The following ANO1 variants were observed in gnomAD, a reference collection of about 807,000 sequenced individuals.
ANO1 encodes anoctamin-1.
ANO1 carries 59 observed loss-of-function variants against 124.0 expected under a neutral mutation model. The ratio of observed to expected loss-of-function variants is 0.48; its 90% CI spans 0.39 to 0.59. The LOEUF is 0.59. ANO1 is among the 20% of genes least tolerant of loss of function. The pLI, the probability that ANO1 is intolerant of heterozygous loss-of-function variation, is 0.00. For synonymous variants in ANO1, 529 were observed against 532.0 expected (o/e 0.99, Z 0.08); for missense variants, 1,059 against 1,328.0 (o/e 0.80, Z 3.15).
chr11:70,088,454 A>G (rs1008339235), intron 2 of ANO1, among the ~76,000 whole-genome samples: 1 of 148,048 alleles, frequency 6.8e-6, no homozygotes, highest in Middle Eastern at 3.5e-3. Flanking sequence ...GGTTGCAGTG[A>G]GCGGACATCA....
rs1253732914 is a variant in ANO1, at chr11:70,189,512, T to C, written c.*1508T>C. On this transcript the variant is annotated 3_prime_UTR_variant, in exon 26 of 26. Transcript: ENST00000355303. ...GACTGTGGCTGGACATTCATCTAAA[T>C]AAATTTGAATATACGACACTTTTCT... The C allele has an allele frequency of 6.6e-6, 1 of 152,552 alleles. No homozygotes were observed. Among genetic ancestry groups the C allele is most frequent in the Non-Finnish European group, 1.5e-5 (1 of 68,048 alleles). The allele number at this position is 152,552 out of a possible 1,614,324, so 9.4% of individuals were successfully genotyped here. A position where few individuals can be genotyped will look rare whatever the true frequency, so the allele number is the denominator to read the frequency against.
At chr11:70,080,977 G>T (rs185874342) in intron 1 of ANO1, among the ~76,000 whole-genome samples, 2 of 152,312 alleles carry the variant, frequency 1.3e-5, no homozygotes, top group African/African-American at 2.4e-5. Flanking sequence ...CCCAACGAAG[G>T]CGGCTCTGTA....
At chr11:70,154,090 C>T (rs2047710666) in intron 14 of ANO1, among the ~76,000 whole-genome samples, 1 of 152,070 alleles carries the variant, frequency 6.6e-6, no homozygotes, top group Non-Finnish European at 1.5e-5. Context: ...GTGTTTTTCA[C>T]ATGATGTGGG....
chr11:70,051,419 G>C (rs557417471), intron 1 of ANO1, among the ~76,000 whole-genome samples: 31 of 152,318 alleles, frequency 2.0e-4, no homozygotes, highest in Middle Eastern at 3.4e-3. Flanking sequence ...TTTCAGGGTC[G>C]TAAGACAAGC....
intron 22 of ANO1, among the ~76,000 whole-genome samples, chr11:70,172,622 C>G (rs6592467): frequency 6.6e-6 from 1 of 152,100 alleles, no homozygotes; most frequent in East Asian, 1.9e-4. Flanking sequence ...GTAATCCCAG[C>G]ACTTTGGGAG....
chr11:70,097,470 C>T (rs915419426), intron 2 of ANO1, among the ~76,000 whole-genome samples: 3 of 152,202 alleles, frequency 2.0e-5, no homozygotes, highest in African/African-American at 7.2e-5. Flanking sequence ...CCGGCAATGA[C>T]CTCTCCAGGC....
chr11:70,100,883 T>C (rs4980765), intron 2 of ANO1, among the ~76,000 whole-genome samples: 62,366 of 152,028 alleles, frequency 0.41, 13,728 homozygotes, highest in Non-Finnish European at 0.49. Context: ...CATAAATATG[T>C]GCAAAGCGGC....
chr11:70,006,480 C>G (rs2054954320), intron 1 of ANO1, among the ~76,000 whole-genome samples: 1 of 152,044 alleles, frequency 6.6e-6, no homozygotes, highest in African/African-American at 2.4e-5. Flanking sequence ...CTGCCCTGAA[C>G]CCCACACACA....
intron 1 of ANO1, among the ~76,000 whole-genome samples, chr11:70,006,633 T>A (rs1184038078): frequency 6.6e-6 from 1 of 150,388 alleles, no homozygotes; most frequent in African/African-American, 2.5e-5. Flanking sequence ...TTCTTCTTTC[T>A]TTTCTTTCTT....
At chr11:70,048,955 T>C (rs1282731283) in intron 1 of ANO1, among the ~76,000 whole-genome samples, 1 of 152,086 alleles carries the variant, frequency 6.6e-6, no homozygotes. Flanking sequence ...TTTGGATCTG[T>C]GTGTGTGTCC....
chr11:70,047,808 CA>C (rs1310771908), intron 1 of ANO1, among the ~76,000 whole-genome samples: 1 of 152,180 alleles, frequency 6.6e-6, no homozygotes, highest in Non-Finnish European at 1.5e-5. Flanking sequence ...TTACCTGAGA[CA>C]GGGCAAATGA....
intron 20 of ANO1, 126 bp from the exon 21 acceptor site, chr11:70,167,116 C>A: frequency 7.8e-7 from 1 of 1,279,158 alleles, no homozygotes. Context: ...CACTGCACTC[C>A]AGCCTGAGCA....
At chr11:70,090,828 G>C (rs1361773003) in intron 2 of ANO1, among the ~76,000 whole-genome samples, 1 of 152,244 alleles carries the variant, frequency 6.6e-6, no homozygotes, top group African/African-American at 2.4e-5. Context: ...CTTTTCAGCA[G>C]TTGATCTGGC....
intron 1 of ANO1, among the ~76,000 whole-genome samples, chr11:70,033,874 G>T (rs1857049838): frequency 6.6e-6 from 1 of 152,054 alleles, no homozygotes; most frequent in East Asian, 1.9e-4. Context: ...AGTTGTATGG[G>T]GTCTGTGTCA....
At chr11:70,040,026 T>C (rs1413644960) in intron 1 of ANO1, among the ~76,000 whole-genome samples, 4 of 152,078 alleles carry the variant, frequency 2.6e-5, no homozygotes, top group African/African-American at 9.7e-5. Context: ...CTGGACCAAA[T>C]TAATGTCGAT....
intron 2 of ANO1, among the ~76,000 whole-genome samples, chr11:70,095,214 G>GAC (rs574748161): frequency 3.0e-5 from 1 of 33,346 alleles, no homozygotes; most frequent in African/African-American, 1.0e-4. Flanking sequence ...AAAAAAGAAA[G>GAC]AGAGAGAGAG....
At chr11:70,091,911 G>A (rs1452252915) in intron 2 of ANO1, among the ~76,000 whole-genome samples, 1 of 152,210 alleles carries the variant, frequency 6.6e-6, no homozygotes, top group Non-Finnish European at 1.5e-5. Context: ...GCACAACGGG[G>A]CCAGTTCTTG....
intron 11 of ANO1, among the ~76,000 whole-genome samples, chr11:70,142,279 G>A (rs116715923): frequency 0.014 from 2,085 of 152,312 alleles, 47 homozygotes; most frequent in African/African-American, 0.045. Flanking sequence ...AAATGCCAGA[G>A]ATGGAACTGG....
At position 70,159,588 on chromosome 11, in the gene ANO1, C is replaced by T. The variant is rs117635451; in HGVS notation, c.1579-1573C>T. Among the ~76,000 whole-genome samples, 505 of 152,334 alleles carry T rather than the reference C, an allele frequency of 3.3e-3. 5 individuals carry two copies. The East Asian group carries it at 0.046, about 14-fold the overall frequency. ...TTGAGCACCTAGGATGTGCCCCACA[C>T]GCCCCTGGTCCTGGGGATGCGGGGG... On this transcript the variant is annotated intron_variant, in intron 16 of 25. Coordinates refer to ENST00000355303, the MANE Select transcript of ANO1 (RefSeq NM_018043.7).
Sources: gnomAD v4.1 joint callset for allele counts (sites outside exome capture counted in the v4.1 genomes callset) on GRCh38, gnomAD v4.1.1 for gene constraint, MANE v1.5 for transcripts, NCBI Gene and HGNC (gene_info 2026-07-23, HGNC 2026-07-21) for gene names.